The following ZBTB40 variants were observed in gnomAD, a reference collection of about 807,000 sequenced individuals.
ZBTB40 encodes the protein zinc finger and BTB domain containing 40, also known as zinc finger and BTB domain-containing protein 40.
In ZBTB40, 60 loss-of-function variants were observed where a neutral mutation model predicts 117.5. The observed-to-expected ratio is 0.51, with a 90% CI of 0.41 to 0.63. ZBTB40 has a LOEUF of 0.63. Ranked by LOEUF, ZBTB40 falls within the 30% of genes least tolerant of loss-of-function variation. ZBTB40 has a pLI of 0.00. For missense variants in ZBTB40, 1,287 were observed against 1,498.5 expected (o/e 0.86, Z 2.33); for synonymous variants, 525 against 577.1 (o/e 0.91, Z 1.29).
rs116824789 is a variant in ZBTB40 at position 22,516,639 on chromosome 1, G to A, written c.2669-661G>A. Among the ~76,000 whole-genome samples, 203 of 152,230 alleles carry A rather than the reference G, an allele frequency of 1.3e-3. 1 individual carries two copies. Among genetic ancestry groups the A allele is most frequent in the African/African-American group, 4.4e-3 (184 of 41,530 alleles). Reference sequence around the variant, plus strand: ...CTAGTTGTGGTAGACCCTGGGATCCGGGGTTCTGGTGCCATGCCTCACCAA... The same window carrying A: ...CTAGTTGTGGTAGACCCTGGGATCCAGGGTTCTGGTGCCATGCCTCACCAA... On this transcript the variant is annotated intron_variant, in intron 12 of 17. Coordinates refer to ENST00000375647, the MANE Select transcript of ZBTB40 (RefSeq NM_014870.4).
Position 22,479,020 on chromosome 1 carries a change from A to G in ZBTB40, c.-69-10860A>G, listed in dbSNP as rs139423421. On this transcript the variant is annotated intron_variant, in intron 1 of 17. Coordinates refer to ENST00000375647, the MANE Select transcript of ZBTB40 (RefSeq NM_014870.4). ...GTAGATTAGCTTTGCCTGTATTTCT[A>G]CTTTCTATAAGTTGGATCATATAGT... 1.2e-4 allele frequency among the ~76,000 whole-genome samples: 19 copies of G among 152,308 alleles called. No individual in the cohort carries two copies. The East Asian group carries it at 1.7e-3, about 14-fold the overall frequency.
chr1:22,460,649 T>C (rs958740164), intron 1 of ZBTB40, among the ~76,000 whole-genome samples: 3 of 152,206 alleles, frequency 2.0e-5, no homozygotes, highest in Admixed American at 2.0e-4. Context: ...CATTTTACCC[T>C]TGAGAAAACA....
intron 1 of ZBTB40, among the ~76,000 whole-genome samples, chr1:22,430,999 G>A (rs1435616916): frequency 6.6e-6 from 1 of 151,642 alleles, no homozygotes; most frequent in Non-Finnish European, 1.5e-5. Context: ...TTGTATTCTG[G>A]GTTTGTGGAT....
intron 1 of ZBTB40, among the ~76,000 whole-genome samples, chr1:22,479,707 G>C (rs766478275): frequency 1.3e-5 from 2 of 152,168 alleles, no homozygotes; most frequent in Admixed American, 6.5e-5. Context: ...TCTCCAGCTG[G>C]AACACCTATT....
upstream of ZBTB40, among the ~76,000 whole-genome samples, chr1:22,448,879 T>C (rs1640820620): frequency 2.0e-5 from 3 of 152,200 alleles, no homozygotes; most frequent in Non-Finnish European, 4.4e-5. Flanking sequence ...GTGGCGTGAT[T>C]TCGGCTCACT....
chr1:22,437,985 T>G (rs533529001), intron 1 of ZBTB40, among the ~76,000 whole-genome samples: 8 of 151,790 alleles, frequency 5.3e-5, no homozygotes, highest in Non-Finnish European at 1.0e-4. Flanking sequence ...ACAAAATTAG[T>G]CGGGTGTGGT....
chr1:22,522,861 G>A lies in ZBTB40; in HGVS notation c.3298+398G>A, dbSNP rs578131950. 2.7e-5 allele frequency among the ~76,000 whole-genome samples: 4 copies of A among 150,726 alleles called. No homozygotes were observed. The South Asian group carries it at 8.4e-4, about 32-fold the overall frequency. ...GATCACTGCAACCTCCATCTCCTGG[G>A]TTCAAGCAATTCTCCCTGACTTAGC... is the stretch of plus-strand genomic sequence containing the variant. On this transcript the variant is annotated intron_variant, in intron 16 of 17. Coordinates refer to ENST00000375647, the MANE Select transcript of ZBTB40 (RefSeq NM_014870.4).
intron 1 of ZBTB40, among the ~76,000 whole-genome samples, chr1:22,437,687 T>G (rs1274538796): frequency 6.6e-6 from 1 of 151,948 alleles, no homozygotes; most frequent in Non-Finnish European, 1.5e-5. Context: ...CCCAAAGCGC[T>G]GGGATTACAG....
intron 1 of ZBTB40, among the ~76,000 whole-genome samples, chr1:22,439,125 C>T (rs903802752): frequency 6.6e-6 from 1 of 152,202 alleles, no homozygotes; most frequent in Non-Finnish European, 1.5e-5. Context: ...CTTGGCCCCC[C>T]AAAGTGTTGG....
In ZBTB40 at chr1:22,512,906, T is replaced by C. The variant is rs535192532; in HGVS notation, c.2462-18T>C. The C allele has an allele frequency of 1.9e-6, 3 of 1,613,780 alleles. No homozygotes were observed. The highest frequency in any genetic ancestry group is 2.2e-5 in the South Asian group (2 of 91,060). On this transcript the variant is annotated intron_variant, in intron 11 of 17. Coordinates refer to ENST00000375647, the MANE Select transcript of ZBTB40 (RefSeq NM_014870.4). ...TAGTAGCATCTCTTCTGGCCTCTGG[T>C]GTGCTTGGCTTCCCTAGGCATGCAG... is the stretch of plus-strand genomic sequence containing the variant.
chr1:22,470,598 A>G (rs1266627600), intron 1 of ZBTB40, among the ~76,000 whole-genome samples: 3 of 152,216 alleles, frequency 2.0e-5, no homozygotes, highest in African/African-American at 7.2e-5. Context: ...GGTCAGGGCC[A>G]GTAGGAGGGT....
intron 3 of ZBTB40, among the ~76,000 whole-genome samples, chr1:22,500,767 T>G (rs543001515): frequency 1.2e-4 from 19 of 152,320 alleles, no homozygotes; most frequent in Admixed American, 3.9e-4. Flanking sequence ...AATTAACATG[T>G]GAGTCATATG....
rs143646278 is a variant in ZBTB40 at position 22,517,197 on chromosome 1, A to G, written c.2669-103A>G. On this transcript the variant is annotated intron_variant, in intron 12 of 17. Transcript: ENST00000375647. ...ACTGCCTGATGTTTTAATGTCATCT[A>G]CCAGATGATATTTCCCTGATACGTG... The G allele has an allele frequency of 1.7e-3, 2,506 of 1,492,930 alleles. 35 individuals carry two copies. In the African/African-American group the frequency reaches 0.03, roughly 18 times the overall value. 92.5% of individuals were successfully genotyped at this position (1,492,930 alleles called of 1,614,324 possible).
chr1:22,498,896 A>G (rs1277779432), intron 3 of ZBTB40, among the ~76,000 whole-genome samples: 2 of 152,206 alleles, frequency 1.3e-5, no homozygotes, highest in Non-Finnish European at 2.9e-5. Flanking sequence ...AGGAAGAAAC[A>G]TGTTTACTGA....
At chr1:22,520,425 G>A (rs1639491677) in intron 14 of ZBTB40, 150 bp downstream of exon 14, 2 of 742,064 alleles carry the variant, frequency 2.7e-6, no homozygotes, top group African/African-American at 3.5e-5. Context: ...TGCAGCTTGT[G>A]ATCCAGATTC....
At position 22,530,956 on chromosome 1, in the gene ZBTB40, G is replaced by A. The variant is rs1207049012; in HGVS notation, c.*4560G>A. The A allele has an allele frequency of 6.6e-6, 1 of 152,158 alleles. No homozygotes were observed. The highest frequency in any genetic ancestry group is 2.4e-5 in the African/African-American group (1 of 41,432). 9.4% of individuals were successfully genotyped at this position (152,158 alleles called of 1,614,324 possible). ...TTGGTGTCCAGCCTGGGTACATCCAGCTGTCCCGCTGTCTAACTGACATTG... is the reference window on the plus strand; with the variant it reads ...TTGGTGTCCAGCCTGGGTACATCCAACTGTCCCGCTGTCTAACTGACATTG... On this transcript the variant is annotated 3_prime_UTR_variant, in exon 18 of 18. Coordinates refer to ENST00000375647, the MANE Select transcript of ZBTB40 (RefSeq NM_014870.4).
At chr1:22,436,278 G>A (rs1015161393) in intron 1 of ZBTB40, among the ~76,000 whole-genome samples, 3 of 152,112 alleles carry the variant, frequency 2.0e-5, no homozygotes, top group Non-Finnish European at 2.9e-5. Flanking sequence ...TTGGGAGGGC[G>A]AGGCAGGTGG....
chr1:22,512,155 G>A, intron 11 of ZBTB40, 21 bp downstream of exon 11: 4 of 1,611,926 alleles, frequency 2.5e-6, no homozygotes, highest in Non-Finnish European at 3.4e-6. Flanking sequence ...GAAGGCAAAG[G>A]AACAGAGGAT....
At chr1:22,491,795 C>T (rs989537506) in intron 3 of ZBTB40, among the ~76,000 whole-genome samples, 1 of 152,076 alleles carries the variant, frequency 6.6e-6, no homozygotes, top group African/African-American at 2.4e-5. Flanking sequence ...ACTGATCATA[C>T]CATTTACTCC....
Sources: gnomAD v4.1 joint callset for allele counts (sites outside exome capture counted in the v4.1 genomes callset) on GRCh38, gnomAD v4.1.1 for gene constraint, MANE v1.5 for transcripts, NCBI Gene and HGNC (gene_info 2026-07-23, HGNC 2026-07-21) for gene names.